Variants in SUPV3L1 observed in about 807,000 individuals in gnomAD.
The protein encoded by SUPV3L1 is ATP-dependent RNA helicase SUPV3L1, mitochondrial.
A neutral mutation model predicts 70.0 loss-of-function variants in SUPV3L1; 35 were observed. The observed-to-expected ratio is 0.50, with a 90% CI of 0.38 to 0.66. SUPV3L1 has a LOEUF of 0.66. Among genes scored for constraint, SUPV3L1 ranks in the 30% least tolerant of loss-of-function variants. The pLI is 0.00. For synonymous variants in SUPV3L1, 364 were observed against 341.9 expected, an observed-to-expected ratio of 1.06 and a Z score of -0.71; for missense variants, 777 against 961.5, an observed-to-expected ratio of 0.81 and a Z score of 2.54.
In SUPV3L1 at chr10:69,202,874, T is replaced by C. The variant is rs1196398843; in HGVS notation, c.1607T>C (p.Phe536Ser). ...DATLSNLIDIFVDFSQVDGQY... is the reference protein window; with the variant it reads ...DATLSNLIDISVDFSQVDGQY... Reference sequence around the variant, plus strand: ...TGTCTTTTTTTCCCCAAGGATATTTTTGTAGACTTTTCACAAGTTGATGGG... The same window carrying C: ...TGTCTTTTTTTCCCCAAGGATATTTCTGTAGACTTTTCACAAGTTGATGGG... The change falls in exon 13 of 15, where the codon TTT (phenylalanine) becomes TCT (serine). Residue 536 changes from phenylalanine (F) to serine (S), a missense_variant. Transcript: ENST00000359655. 4 of 1,611,472 alleles carry C rather than the reference T, an allele frequency of 2.5e-6. No individual in the cohort carries two copies. The highest frequency in any genetic ancestry group is 2.7e-5 in the African/African-American group (2 of 74,804).
At chr10:69,185,663 A>G (rs2132268197) in intron 1 of SUPV3L1, among the ~76,000 whole-genome samples, 1 of 151,996 alleles carries the variant, frequency 6.6e-6, no homozygotes, top group East Asian at 1.9e-4. Flanking sequence ...TAACAGGCCC[A>G]GCTAATTTTT....
At chr10:69,198,740 T>C (rs1219317130) in intron 9 of SUPV3L1, among the ~76,000 whole-genome samples, 188 bp downstream of exon 9, 1 of 152,360 alleles carries the variant, frequency 6.6e-6, no homozygotes, top group Middle Eastern at 3.4e-3. Context: ...ATTTTAATTA[T>C]AGTTCTTGTT....
At chr10:69,182,772 A>G (rs967373768) in intron 1 of SUPV3L1, 1 of 757,638 alleles carries the variant, frequency 1.3e-6, no homozygotes, top group Non-Finnish European at 1.6e-6. Flanking sequence ...TGATATAGCC[A>G]TGTGGTTAAG....
intron 1 of SUPV3L1, among the ~76,000 whole-genome samples, chr10:69,181,499 A>C (rs1031533194): frequency 6.6e-6 from 1 of 152,228 alleles, no homozygotes; most frequent in African/African-American, 2.4e-5. Context: ...TCTTTGACAT[A>C]TTCTTCCAGT....
chr10:69,202,847 T>G lies in SUPV3L1; in HGVS notation c.1600-20T>G. 2 of 1,606,720 alleles carry G rather than the reference T, an allele frequency of 1.2e-6. No individual in the cohort carries two copies. The highest frequency in any genetic ancestry group is 1.7e-6 in the Non-Finnish European group (2 of 1,175,718). On this transcript the variant is annotated intron_variant, in intron 12 of 14. Transcript: ENST00000359655. Reference sequence around the variant, plus strand: ...AATTCACTTAGGCAGTCCAGTAATTTCTGTCTTTTTTTCCCCAAGGATATT... The same window carrying G: ...AATTCACTTAGGCAGTCCAGTAATTGCTGTCTTTTTTTCCCCAAGGATATT...
rs1273749601 is a variant in SUPV3L1, at chr10:69,200,420, A to G, written c.1439A>G (p.Glu480Gly). 2 of 1,614,140 alleles carry G rather than the reference A, an allele frequency of 1.2e-6. No individual in the cohort carries two copies. The highest frequency in any genetic ancestry group is 1.7e-6 in the Non-Finnish European group (2 of 1,180,032). ...RAGRFSSRFK[E>G]GEVTTMNHED... is the part of the protein sequence containing the mutation. ...GGCAGATTCAGCTCACGGTTTAAAGAAGGAGAGGTTACAACAATGAATCAT... is the reference window on the plus strand; with the variant it reads ...GGCAGATTCAGCTCACGGTTTAAAGGAGGAGAGGTTACAACAATGAATCAT... The change falls in exon 11 of 15, where the codon GAA (glutamate) becomes GGA (glycine). Residue 480 changes from glutamate (E) to glycine (G), a missense_variant. By Grantham distance (98) the Glu-to-Gly change is moderately conservative. This residue lies in a region of SUPV3L1 where 619 missense variants were observed against 823.3 expected (regional missense o/e 0.75). Coordinates refer to ENST00000359655, the MANE Select transcript of SUPV3L1 (RefSeq NM_003171.5).
intron 7 of SUPV3L1, among the ~76,000 whole-genome samples, chr10:69,196,351 G>T (rs1170637382): frequency 6.6e-6 from 1 of 151,994 alleles, no homozygotes; most frequent in Non-Finnish European, 1.5e-5. Flanking sequence ...AATTAGCCAG[G>T]CGTGGTGGCG....
intron 14 of SUPV3L1, 122 bp from the exon 15 acceptor site, chr10:69,208,478 A>AAG (rs1564716291): frequency 1.8e-6 from 2 of 1,089,864 alleles, no homozygotes; most frequent in Non-Finnish European, 2.6e-6. Flanking sequence ...AAAGGCACTG[A>AAG]AGAGAGTTTG....
At chr10:69,208,250 G>C (rs1374820537) in intron 14 of SUPV3L1, among the ~76,000 whole-genome samples, 1 of 152,224 alleles carries the variant, frequency 6.6e-6, no homozygotes, top group African/African-American at 2.4e-5. Context: ...GGAGTATCAG[G>C]CCCATGCCTG....
intron 11 of SUPV3L1, among the ~76,000 whole-genome samples, chr10:69,201,875 T>C (rs1318738643): frequency 1.4e-5 from 2 of 138,024 alleles, no homozygotes; most frequent in Non-Finnish European, 3.1e-5. Flanking sequence ...GGAGTCTTGC[T>C]CTGTCGCCAG....
chr10:69,180,424 C>A lies in SUPV3L1; in HGVS notation c.133C>A (p.Leu45Ile), dbSNP rs750689263. 1 of 1,614,250 alleles carries A rather than the reference C, an allele frequency of 6.2e-7. No homozygotes were observed. The highest frequency in any genetic ancestry group is 1.7e-5 in the Admixed American group (1 of 60,032). ...CGGGGTTCTGGGGCAAGTTTCTGTC[C>A]TTGCCACCGCCTCCTCCTCTGCCTC... is the stretch of plus-strand genomic sequence containing the variant. Reference protein sequence around the residue: ...FPGVLGQVSVLATASSSASGG... With the variant: ...FPGVLGQVSVIATASSSASGG... Residue 45 changes from leucine (L) to isoleucine (I), a missense_variant, in exon 1 of 15, where the codon CTT (leucine) becomes ATT (isoleucine). By Grantham distance (5) the Leu-to-Ile change is conservative. Coordinates refer to ENST00000359655, the MANE Select transcript of SUPV3L1 (RefSeq NM_003171.5).
intron 14 of SUPV3L1, 53 bp from the exon 15 acceptor site, chr10:69,208,547 C>A: frequency 6.5e-7 from 1 of 1,547,468 alleles, no homozygotes; most frequent in Non-Finnish European, 8.8e-7. Context: ...TGAGAGTTGT[C>A]CAGTGACTGC....
chr10:69,207,674 CCTGT>C, intron 13 of SUPV3L1, 115 bp from the exon 14 acceptor site: 1 of 1,220,986 alleles, frequency 8.2e-7, no homozygotes, highest in Non-Finnish European at 1.1e-6. Context: ...AAAGAAACCA[CCTGT>C]CTATTGAAAT....
At chr10:69,185,891 C>A in intron 1 of SUPV3L1, 96 bp from the exon 2 acceptor site, 2 of 873,342 alleles carry the variant, frequency 2.3e-6, no homozygotes, top group Non-Finnish European at 3.8e-6. Flanking sequence ...ACTCATTAGA[C>A]TGCTGCCTTT....
intron 1 of SUPV3L1, among the ~76,000 whole-genome samples, chr10:69,185,214 G>C (rs1393552332): frequency 3.3e-5 from 5 of 152,176 alleles, no homozygotes; most frequent in African/African-American, 1.2e-4. Context: ...ATGCCATCTA[G>C]CACAAAACAA....
intron 6 of SUPV3L1, 43 bp downstream of exon 6, chr10:69,191,809 AT>A (rs370229180): frequency 0.095 from 105,047 of 1,108,098 alleles, 489 homozygotes; most frequent in African/African-American, 0.18. Context: ...GGTATTTTTA[AT>A]TTTTTTTTTT....
At position 69,188,867 on chromosome 10, in the gene SUPV3L1, CTG is replaced by C. The variant is rs1436276061; in HGVS notation, c.573-398_573-397del. On this transcript the variant is annotated intron_variant, in intron 4 of 14. Transcript: ENST00000359655. ...CCACTATGGCCAGAGGTAGAAGACT[CTG>C]TTATTATATTTGTGTATGTTGGAAT... is the stretch of plus-strand genomic sequence containing the variant. 2.6e-5 allele frequency among the ~76,000 whole-genome samples: 4 copies of C among 151,978 alleles called. No homozygotes were observed. The East Asian group carries it at 7.7e-4, about 29-fold the overall frequency.
chr10:69,188,687 C>T (rs1325669829), intron 4 of SUPV3L1, among the ~76,000 whole-genome samples: 12 of 151,958 alleles, frequency 7.9e-5, no homozygotes, highest in African/African-American at 1.9e-4. Context: ...TTAATAGATA[C>T]GGGGGCTCAC....
Position 69,191,786 on chromosome 10 carries a change from GA to G in SUPV3L1, c.853+23del. 1 of 1,555,300 alleles carries G rather than the reference GA, an allele frequency of 6.4e-7. No individual in the cohort carries two copies. The highest frequency in any genetic ancestry group is 8.8e-7 in the Non-Finnish European group (1 of 1,134,584). On this transcript the variant is annotated intron_variant, in intron 6 of 14. Coordinates refer to ENST00000359655, the MANE Select transcript of SUPV3L1 (RefSeq NM_003171.5). ...CTCCTTGTATGTATATGCTGTTTAA[GA>G]AACTATGGTTTGGTATTTTTAATTT...
Sources: gnomAD v4.1 joint callset for allele counts (sites outside exome capture counted in the v4.1 genomes callset) on GRCh38, gnomAD v4.1.1 for gene constraint, gnomAD v4.1.1 regional missense constraint, MANE v1.5 for transcripts, NCBI Gene and HGNC (gene_info 2026-07-23, HGNC 2026-07-21) for gene names.